The following BACE2 variants were observed in gnomAD, a reference collection of about 807,000 sequenced individuals.
BACE2 encodes the protein beta-secretase 2.
BACE2 carries 17 observed loss-of-function variants against 46.2 expected under a neutral mutation model. That is an observed-to-expected ratio of 0.37 (90% CI 0.25 to 0.55). The LOEUF is 0.55. Among genes scored for constraint, BACE2 ranks in the 20% least tolerant of loss-of-function variants. The pLI, the probability that BACE2 is intolerant of heterozygous loss-of-function variation, is 0.82. For missense variants in BACE2, 595 were observed against 698.1 expected (o/e 0.85, Z 1.66); for synonymous variants, 277 against 295.9 (o/e 0.94, Z 0.66).
intron 8 of BACE2, among the ~76,000 whole-genome samples, chr21:41,272,926 G>A (rs759426416): frequency 1.5e-4 from 23 of 152,232 alleles, no homozygotes; most frequent in Middle Eastern, 3.4e-3. Flanking sequence ...ATTATTTCAC[G>A]TAGGTTCTTT....
chr21:41,191,427 A>G (rs1196614858), intron 1 of BACE2, among the ~76,000 whole-genome samples: 3 of 152,190 alleles, frequency 2.0e-5, no homozygotes, highest in African/African-American at 4.8e-5. Context: ...GAACCCACGG[A>G]TGGTAGTCTT....
chr21:41,242,356 T>TCC (rs1987325795), intron 4 of BACE2, among the ~76,000 whole-genome samples: 1 of 151,440 alleles, frequency 6.6e-6, no homozygotes, highest in Admixed American at 6.6e-5. Context: ...TCTCTCTCTC[T>TCC]CAACACACAC....
intron 1 of BACE2, among the ~76,000 whole-genome samples, chr21:41,213,342 C>T (rs1986355631): frequency 6.6e-6 from 1 of 152,202 alleles, no homozygotes; most frequent in African/African-American, 2.4e-5. Context: ...CAGGACTTAG[C>T]ATGGGTCTCA....
At chr21:41,222,979 C>T (rs1986702484) in intron 1 of BACE2, among the ~76,000 whole-genome samples, 1 of 152,180 alleles carries the variant, frequency 6.6e-6, no homozygotes, top group Admixed American at 6.5e-5. Context: ...CAATTCGGGA[C>T]ACGCCAGGCG....
intron 1 of BACE2, among the ~76,000 whole-genome samples, chr21:41,214,432 C>T (rs1050722640): frequency 1.4e-4 from 21 of 152,158 alleles, no homozygotes; most frequent in Non-Finnish European, 1.0e-4. Context: ...TCTGATGATG[C>T]GGTTTTGGGC....
At chr21:41,213,955 C>A (rs1379653272) in intron 1 of BACE2, among the ~76,000 whole-genome samples, 2 of 152,150 alleles carry the variant, frequency 1.3e-5, no homozygotes, top group African/African-American at 4.8e-5. Context: ...GACTGTGTGT[C>A]CCTGGTCACC....
intron 8 of BACE2, among the ~76,000 whole-genome samples, chr21:41,270,142 G>T (rs559718103): frequency 6.6e-6 from 1 of 152,108 alleles, no homozygotes; most frequent in African/African-American, 2.4e-5. Flanking sequence ...CTTTTTAAAT[G>T]AAATGTCTTT....
intron 1 of BACE2, among the ~76,000 whole-genome samples, chr21:41,209,994 C>T (rs1467742297): frequency 6.6e-6 from 1 of 151,990 alleles, no homozygotes; most frequent in Non-Finnish European, 1.5e-5. Flanking sequence ...TCAGGGAGGT[C>T]CCCCTTCCCC....
intron 8 of BACE2, among the ~76,000 whole-genome samples, chr21:41,263,835 C>T (rs1449397792): frequency 1.3e-5 from 2 of 152,162 alleles, no homozygotes; most frequent in Non-Finnish European, 2.9e-5. Flanking sequence ...AGGGTATTTT[C>T]CCATCGTGCT....
At chr21:41,273,343 C>T (rs1568896063) in intron 8 of BACE2, among the ~76,000 whole-genome samples, 4 of 152,240 alleles carry the variant, frequency 2.6e-5, no homozygotes, top group South Asian at 2.1e-4. Flanking sequence ...GGCCTGGGAG[C>T]GCTATGGGAG....
At chr21:41,207,658 A>G (rs57034569) in intron 1 of BACE2, among the ~76,000 whole-genome samples, 6,481 of 151,468 alleles carry the variant, frequency 0.043, 443 homozygotes, top group African/African-American at 0.14. Flanking sequence ...TGCAGGAGGG[A>G]CTGTTGGAGC....
intron 8 of BACE2, among the ~76,000 whole-genome samples, chr21:41,267,094 C>G (rs1265181448): frequency 1.3e-5 from 2 of 152,094 alleles, no homozygotes; most frequent in African/African-American, 4.8e-5. Context: ...CAAAATACAC[C>G]TGGTCAACAT....
At chr21:41,229,123 C>T (rs1986904175) in intron 2 of BACE2, among the ~76,000 whole-genome samples, 1 of 152,184 alleles carries the variant, frequency 6.6e-6, no homozygotes, top group African/African-American at 2.4e-5. Context: ...GGGACAGGAC[C>T]TTCCCCATTG....
intron 8 of BACE2, among the ~76,000 whole-genome samples, chr21:41,267,944 C>T (rs2088396153): frequency 6.6e-6 from 1 of 152,070 alleles, no homozygotes; most frequent in South Asian, 2.1e-4. Flanking sequence ...GGGAAAAAGA[C>T]CTGACCATTA....
At chr21:41,271,365 A>C (rs796343296) in intron 8 of BACE2, among the ~76,000 whole-genome samples, 111 of 152,278 alleles carry the variant, frequency 7.3e-4, no homozygotes, top group African/African-American at 2.5e-3. Flanking sequence ...AATAGTTTTT[A>C]CATTTTTAAA....
At chr21:41,238,334 A>G (rs912400561) in intron 3 of BACE2, among the ~76,000 whole-genome samples, 67 of 152,246 alleles carry the variant, frequency 4.4e-4, no homozygotes, top group African/African-American at 1.5e-3. Flanking sequence ...GGGGAAAGAC[A>G]GAATTGGATG....
At chr21:41,237,794 A>G (rs1987169944) in intron 3 of BACE2, 65 bp downstream of exon 3, 2 of 1,383,082 alleles carry the variant, frequency 1.4e-6, no homozygotes, top group African/African-American at 1.4e-5. Flanking sequence ...ATCAGTCATT[A>G]AAGGGCTGAC....
rs1035751823 is a variant in BACE2, at chr21:41,276,475, C to G, written c.*851C>G. Reference sequence around the variant, plus strand: ...AGAATTATCATCCCAACAGCCAAGACCCAACAGGTGCTGAACTGTGCATCA... The same window carrying G: ...AGAATTATCATCCCAACAGCCAAGAGCCAACAGGTGCTGAACTGTGCATCA... On this transcript the variant is annotated 3_prime_UTR_variant, in exon 9 of 9. Coordinates refer to ENST00000330333, the MANE Select transcript of BACE2 (RefSeq NM_012105.5). The G allele has an allele frequency of 1.3e-4, 20 of 152,246 alleles. No individual in the cohort carries two copies. The highest frequency in any genetic ancestry group is 4.8e-4 in the African/African-American group (20 of 41,430). 9.4% of individuals were successfully genotyped at this position (152,246 alleles called of 1,614,324 possible).
At chr21:41,227,388 G>A (rs545425120) in intron 2 of BACE2, among the ~76,000 whole-genome samples, 10 of 152,198 alleles carry the variant, frequency 6.6e-5, no homozygotes, top group African/African-American at 2.4e-4. Flanking sequence ...TTTTGTTCCG[G>A]GAAATAAAGG....
Sources: gnomAD v4.1 joint callset for allele counts (sites outside exome capture counted in the v4.1 genomes callset) on GRCh38, gnomAD v4.1.1 for gene constraint, MANE v1.5 for transcripts, NCBI Gene and HGNC (gene_info 2026-07-23, HGNC 2026-07-21) for gene names.